The following EXOC4 variants were observed in gnomAD, a reference collection of about 807,000 sequenced individuals.
EXOC4 encodes the protein SEC8-like 1.
In EXOC4, 71 loss-of-function variants were observed where a neutral mutation model predicts 107.2. The ratio of observed to expected loss-of-function variants is 0.66; its 90% confidence interval spans 0.55 to 0.81. EXOC4 has a LOEUF of 0.81. Ranked by LOEUF, EXOC4 falls within the 30% of genes least tolerant of loss-of-function variation. The probability of loss-of-function intolerance (pLI) is 0.00; values close to 1 mark genes in which losing one functional copy is unlikely to be tolerated. For missense variants in EXOC4, 1,108 were observed against 1,189.6 expected, an observed-to-expected ratio of 0.93 and a Z score of 1.01; for synonymous variants, 456 against 441.2, an observed-to-expected ratio of 1.03 and a Z score of -0.42.
intron 17 of EXOC4, among the ~76,000 whole-genome samples, chr7:134,044,738 C>T (rs575443928): frequency 7.2e-5 from 11 of 152,332 alleles, no homozygotes; most frequent in East Asian, 3.9e-4. Flanking sequence ...CCAGCTCCCC[C>T]GATCCAATGC....
At chr7:134,022,205 A>G (rs1259903684) in intron 17 of EXOC4, among the ~76,000 whole-genome samples, 1 of 152,114 alleles carries the variant, frequency 6.6e-6, no homozygotes, top group Non-Finnish European at 1.5e-5. Flanking sequence ...GTTAACTTTA[A>G]TTATACAACA....
chr7:133,740,558 A>C (rs1795542807), intron 10 of EXOC4, among the ~76,000 whole-genome samples: 1 of 152,176 alleles, frequency 6.6e-6, no homozygotes, highest in Non-Finnish European at 1.5e-5. Context: ...GTTGTCTTTC[A>C]TTAGATGTAA....
At chr7:134,070,917 A>G (rs1389790137), downstream of EXOC4, among the ~76,000 whole-genome samples, 1 of 152,162 alleles carries the variant, frequency 6.6e-6, no homozygotes, top group Non-Finnish European at 1.5e-5. Context: ...TCCAAACAGA[A>G]AACCCAGCAA....
At chr7:133,719,529 A>C (rs1355989245) in intron 10 of EXOC4, among the ~76,000 whole-genome samples, 1 of 151,758 alleles carries the variant, frequency 6.6e-6, no homozygotes, top group Non-Finnish European at 1.5e-5. Context: ...CTAGTCTGCC[A>C]TCAGCCTTCA....
At chr7:133,606,963 A>G (rs542899740) in intron 9 of EXOC4, among the ~76,000 whole-genome samples, 77 of 152,128 alleles carry the variant, frequency 5.1e-4, no homozygotes, top group African/African-American at 1.8e-3. Flanking sequence ...TCTTGTACTC[A>G]TTTATAGACC....
chr7:133,817,323 A>C lies in EXOC4; in HGVS notation c.1515-2A>C. The C allele has an allele frequency of 6.2e-7, 1 of 1,604,948 alleles. No homozygotes were observed. The highest frequency in any genetic ancestry group is 8.5e-7 in the Non-Finnish European group (1 of 1,171,952). On this transcript the variant is annotated splice_acceptor_variant, in intron 10 of 17. Transcript: ENST00000253861. LOFTEE classifies it high-confidence loss of function. ...ATAACCTTCTTACTGTTTGTCCTCCAGATTTATTCAGGAGATTGAGCATGC... is the reference window on the plus strand; with the variant it reads ...ATAACCTTCTTACTGTTTGTCCTCCCGATTTATTCAGGAGATTGAGCATGC...
At chr7:133,626,814 G>A (rs576790769) in intron 9 of EXOC4, among the ~76,000 whole-genome samples, 1 of 152,056 alleles carries the variant, frequency 6.6e-6, no homozygotes, top group East Asian at 1.9e-4. Flanking sequence ...TGTTGTTTTT[G>A]TTCTCTGTAA....
intron 9 of EXOC4, among the ~76,000 whole-genome samples, chr7:133,488,275 G>T (rs1020021892): frequency 6.6e-6 from 1 of 152,130 alleles, no homozygotes; most frequent in Admixed American, 6.5e-5. Context: ...AAGTGCTTTA[G>T]AACTCATAGT....
intron 2 of EXOC4, among the ~76,000 whole-genome samples, chr7:133,281,691 A>G (rs1258862112): frequency 6.8e-6 from 1 of 146,820 alleles, no homozygotes; most frequent in Non-Finnish European, 1.5e-5. Context: ...CAAATTCAGT[A>G]CTTTTCTTTT....
At chr7:133,308,167 G>A (rs1794795511) in intron 4 of EXOC4, among the ~76,000 whole-genome samples, 1 of 152,146 alleles carries the variant, frequency 6.6e-6, no homozygotes, top group Non-Finnish European at 1.5e-5. Context: ...AAATATGAAA[G>A]ATGAACAGTG....
intron 7 of EXOC4, among the ~76,000 whole-genome samples, chr7:133,434,190 C>CT (rs994962863): frequency 2.0e-5 from 3 of 152,112 alleles, no homozygotes; most frequent in Non-Finnish European, 2.9e-5. Flanking sequence ...AGACTGGAGG[C>CT]TGTGTGCATG....
intron 14 of EXOC4, among the ~76,000 whole-genome samples, chr7:133,953,838 A>G (rs1800750227): frequency 6.6e-6 from 1 of 152,214 alleles, no homozygotes; most frequent in Non-Finnish European, 1.5e-5. Flanking sequence ...GGAAGGAAAC[A>G]TGAGACCATT....
chr7:133,986,009 A>G (rs1190371555), intron 14 of EXOC4, among the ~76,000 whole-genome samples: 1 of 152,212 alleles, frequency 6.6e-6, no homozygotes, highest in Non-Finnish European at 1.5e-5. Flanking sequence ...TTGCTCCGTT[A>G]TTGAGATGTA....
intron 7 of EXOC4, among the ~76,000 whole-genome samples, chr7:133,376,930 A>T (rs555220787): frequency 9.2e-5 from 14 of 152,358 alleles, no homozygotes; most frequent in African/African-American, 3.1e-4. Context: ...CTAAAGTAAG[A>T]CAACATAATT....
intron 9 of EXOC4, among the ~76,000 whole-genome samples, chr7:133,545,585 T>A (rs931749216): frequency 1.2e-4 from 19 of 152,278 alleles, no homozygotes; most frequent in African/African-American, 3.8e-4. Flanking sequence ...TTTTAAAAAA[T>A]TTTCCTTTCT....
chr7:133,557,762 A>G (rs1800721924), intron 9 of EXOC4, among the ~76,000 whole-genome samples: 2 of 152,138 alleles, frequency 1.3e-5, no homozygotes, highest in Admixed American at 1.3e-4. Flanking sequence ...AGGCCTAGAC[A>G]GACAGATCAC....
chr7:134,009,879 T>A (rs1372400767), intron 17 of EXOC4: 2 of 152,304 alleles, frequency 1.3e-5, no homozygotes, highest in Non-Finnish European at 2.9e-5. Flanking sequence ...AATGCAATGC[T>A]GACTGGGCAG....
intron 12 of EXOC4, among the ~76,000 whole-genome samples, chr7:133,912,023 T>A (rs2116608595): frequency 6.6e-6 from 1 of 152,330 alleles, no homozygotes; most frequent in Non-Finnish European, 1.5e-5. Context: ...AATTTCCACA[T>A]GTCACAAAAT....
At chr7:133,581,928 G>A (rs560703620) in intron 9 of EXOC4, among the ~76,000 whole-genome samples, 3 of 152,116 alleles carry the variant, frequency 2.0e-5, no homozygotes, top group Admixed American at 1.3e-4. Flanking sequence ...CAGGAGAGAA[G>A]GAGAGCAGGG....
Sources: gnomAD v4.1 joint callset for allele counts (sites outside exome capture counted in the v4.1 genomes callset) on GRCh38, gnomAD v4.1.1 for gene constraint, MANE v1.5 for transcripts, NCBI Gene and HGNC (gene_info 2026-07-23, HGNC 2026-07-21) for gene names.